Variants in PITPNM2 observed in about 807,000 individuals in gnomAD.
PITPNM2 encodes the protein phosphatidylinositol transfer protein membrane associated 2, also known as membrane-associated phosphatidylinositol transfer protein 2.
Under a neutral mutation model 132.2 loss-of-function variants are expected in PITPNM2, and 35 were observed. The observed-to-expected ratio is 0.26, with a 90% CI of 0.20 to 0.35. PITPNM2 has a LOEUF of 0.35. PITPNM2 is among the 10% of genes least tolerant of loss of function. The pLI is 1.00. For missense variants in PITPNM2, 1,332 were observed against 1,912.0 expected (o/e 0.70, Z 5.66); for synonymous variants, 738 against 799.2 (o/e 0.92, Z 1.29).
At chr12:123,145,342 T>C (rs1287877465) in intron 1 of PITPNM2, among the ~76,000 whole-genome samples, 1 of 152,158 alleles carries the variant, frequency 6.6e-6, no homozygotes, top group Non-Finnish European at 1.5e-5. Flanking sequence ...AATAGGGAGT[T>C]TGAGCTGTCA....
intron 3 of PITPNM2, among the ~76,000 whole-genome samples, chr12:123,028,105 C>T (rs931699365): frequency 3.9e-5 from 6 of 152,202 alleles, no homozygotes; most frequent in Non-Finnish European, 8.8e-5. Flanking sequence ...AAAGAAAGAT[C>T]AAGACCAAGA....
chr12:122,990,804 T>C, intron 16 of PITPNM2, 95 bp from the exon 17 acceptor site: 1 of 1,321,164 alleles, frequency 7.6e-7, no homozygotes, highest in Non-Finnish European at 1.0e-6. Context: ...AGTGTGCACC[T>C]AGACTGGAGG....
At chr12:123,066,261 C>A (rs1486912283) in intron 2 of PITPNM2, among the ~76,000 whole-genome samples, 1 of 152,056 alleles carries the variant, frequency 6.6e-6, no homozygotes, top group African/African-American at 2.4e-5. Context: ...GTGTCAAGAT[C>A]GAGCAAGGGG....
In PITPNM2 at chr12:123,079,350, C is replaced by CTTTTTTTTTTTT. The variant is rs139205213; in HGVS notation, c.-96+31023_-96+31034dup. Among the ~76,000 whole-genome samples, 351 of 53,872 alleles carry CTTTTTTTTTTTT rather than the reference C, an allele frequency of 6.5e-3. 3 individuals carry two copies. The highest frequency in any genetic ancestry group is 8.2e-3 in the Non-Finnish European group (230 of 28,176). 35.3% of individuals were successfully genotyped at this position (53,872 alleles called of 152,430 possible). A position where few individuals can be genotyped will look rare whatever the true frequency, so the allele number is the denominator to read the frequency against. On this transcript the variant is annotated intron_variant, in intron 2 of 25. Coordinates refer to ENST00000320201, the MANE Select transcript of PITPNM2 (RefSeq NM_020845.3). ...TTCACTTCTTTTTCTTTTTTCTTTT[C>CTTTTTTTTTTTT]TTTTTTTTTTTTTTTTTTTTTTTTT...
intron 3 of PITPNM2, among the ~76,000 whole-genome samples, chr12:123,026,603 A>C (rs1013304550): frequency 6.6e-6 from 1 of 152,206 alleles, no homozygotes. Context: ...CTGGTGACCC[A>C]CCTGCCAGCA....
chr12:123,057,594 C>A (rs1218086221), intron 2 of PITPNM2, among the ~76,000 whole-genome samples: 2 of 152,120 alleles, frequency 1.3e-5, no homozygotes, highest in African/African-American at 4.8e-5. Flanking sequence ...TCTAAGTGCT[C>A]TCTCCACTTC....
intron 2 of PITPNM2, among the ~76,000 whole-genome samples, chr12:123,104,842 T>A (rs974553206): frequency 1.3e-5 from 2 of 152,196 alleles, no homozygotes; most frequent in South Asian, 2.1e-4. Context: ...CCCAGCTTCC[T>A]CCCTTCCTCC....
intron 3 of PITPNM2, among the ~76,000 whole-genome samples, chr12:123,032,588 G>A (rs1229184667): frequency 6.6e-6 from 1 of 152,212 alleles, no homozygotes; most frequent in East Asian, 1.9e-4. Context: ...CTGGGGGCTG[G>A]AGGTCAGTCC....
intron 1 of PITPNM2, among the ~76,000 whole-genome samples, chr12:123,130,571 G>C (rs2043241354): frequency 6.6e-6 from 1 of 152,176 alleles, no homozygotes. Context: ...ACGAGGTCAG[G>C]AGATCAAGAC....
chr12:123,015,704 T>G (rs974233793), intron 3 of PITPNM2, among the ~76,000 whole-genome samples: 1 of 152,132 alleles, frequency 6.6e-6, no homozygotes, highest in Non-Finnish European at 1.5e-5. Flanking sequence ...CAATGCTTTC[T>G]TAAATATGAC....
At chr12:123,076,709 C>A (rs1218054716) in intron 2 of PITPNM2, among the ~76,000 whole-genome samples, 2 of 152,150 alleles carry the variant, frequency 1.3e-5, no homozygotes, top group Non-Finnish European at 2.9e-5. Context: ...CTATGGGTTC[C>A]CTGGTACCTG....
intron 8 of PITPNM2, among the ~76,000 whole-genome samples, chr12:123,001,663 A>G (rs1418529761): frequency 6.6e-6 from 1 of 152,116 alleles, no homozygotes; most frequent in Non-Finnish European, 1.5e-5. Context: ...TTATGGCTGA[A>G]CCATAGTCCA....
chr12:122,990,003 C>T (rs1161054940), intron 17 of PITPNM2, 55 bp from the exon 18 acceptor site: 5 of 1,266,426 alleles, frequency 3.9e-6, no homozygotes, highest in African/African-American at 1.6e-5. Flanking sequence ...CGCACTGCCA[C>T]GTCTACCAGG....
rs1231076904 is a variant in PITPNM2, at chr12:123,077,770, G to A, written c.-96+32615C>T. On this transcript the variant is annotated intron_variant, in intron 2 of 25. Transcript: ENST00000320201. The surrounding 1 kb of genome is among the most constrained non-coding windows in gnomAD (Gnocchi z 4.8). Reference sequence around the variant, plus strand: ...TAAACCCATCCTGAGGCTGTGACATGTTTCAGAAGGAGCAGAAAATTACCT... The same window carrying A: ...TAAACCCATCCTGAGGCTGTGACATATTTCAGAAGGAGCAGAAAATTACCT... 6.6e-6 allele frequency among the ~76,000 whole-genome samples: 1 copy of A among 152,162 alleles called. No individual in the cohort carries two copies. The highest frequency in any genetic ancestry group is 2.4e-5 in the African/African-American group (1 of 41,432).
chr12:123,125,206 C>T (rs2043113141), intron 1 of PITPNM2, among the ~76,000 whole-genome samples: 1 of 152,120 alleles, frequency 6.6e-6, no homozygotes, highest in Non-Finnish European at 1.5e-5. Flanking sequence ...GCAATCTGCC[C>T]ACCTCAACCT....
chr12:123,049,824 G>A (rs1378124175), intron 2 of PITPNM2, among the ~76,000 whole-genome samples: 1 of 152,218 alleles, frequency 6.6e-6, no homozygotes, highest in Non-Finnish European at 1.5e-5. Flanking sequence ...CCTTTCATTT[G>A]TCTCTCCATT....
intron 1 of PITPNM2, among the ~76,000 whole-genome samples, chr12:123,137,892 C>A (rs75396501): frequency 2.2e-3 from 285 of 126,856 alleles, no homozygotes; most frequent in Middle Eastern, 4.1e-3. Flanking sequence ...GATTCTGTCT[C>A]AAAAAAAAAA....
chr12:123,151,561 C>G (rs1010096202), upstream of PITPNM2, among the ~76,000 whole-genome samples: 2 of 152,100 alleles, frequency 1.3e-5, no homozygotes, highest in South Asian at 2.1e-4. Context: ...ACGGTGGGTC[C>G]GCGCTCTCCC....
intron 2 of PITPNM2, among the ~76,000 whole-genome samples, chr12:123,100,765 G>A (rs1037204726): frequency 2.6e-5 from 4 of 152,158 alleles, no homozygotes; most frequent in South Asian, 2.1e-4. Flanking sequence ...TGAAATGTCC[G>A]GAAAAGGCAT....
Sources: allele counts gnomAD v4.1 joint callset (sites outside exome capture counted in the v4.1 genomes callset), GRCh38; gene constraint gnomAD v4.1.1; non-coding constraint Gnocchi (gnomAD v3.1); transcripts MANE v1.5; gene names NCBI Gene and HGNC (gene_info 2026-07-23, HGNC 2026-07-21).